Variants in CFTR observed in about 807,000 individuals in gnomAD.
The protein encoded by CFTR is cystic fibrosis transmembrane conductance regulator.
Under a neutral mutation model 171.6 loss-of-function variants are expected in CFTR, and 181 were observed. The ratio of observed to expected loss-of-function variants is 1.05; its 90% confidence interval spans 0.93 to 1.19. CFTR has a LOEUF of 1.19. Ranked by LOEUF, CFTR falls within the 50% of genes most tolerant of loss-of-function variation. The pLI, the probability that CFTR is intolerant of heterozygous loss-of-function variation, is 0.00. For synonymous variants in CFTR, 583 were observed against 608.0 expected (o/e 0.96, Z 0.60); for missense variants, 1,968 against 1,734.7 (o/e 1.13, Z -2.39).
At chr7:117,547,768 G>A (rs2027945) in intron 9 of CFTR, among the ~76,000 whole-genome samples, 38,948 of 152,052 alleles carry the variant, frequency 0.26, 5,314 homozygotes, top group East Asian at 0.42. Context: ...GCAACGTAGT[G>A]AGACTAGTAC....
At chr7:117,523,792 G>A (rs1300521954) in intron 3 of CFTR, among the ~76,000 whole-genome samples, 1 of 152,166 alleles carries the variant, frequency 6.6e-6, no homozygotes, top group Non-Finnish European at 1.5e-5. Context: ...TTGTGGTAGG[G>A]AAAAGTCTAT....
Position 117,592,662 on chromosome 7 carries a change from G to A in CFTR, c.2490+5G>A, listed in dbSNP as rs764466147. ...ATTAACGAAGAAGACTTAAAGGTAG[G>A]TATACATCGCTTGGGGGTATTTCAC... is the stretch of plus-strand genomic sequence containing the variant. On this transcript the variant is annotated splice_donor_5th_base_variant and intron_variant, in intron 14 of 26. Transcript: ENST00000003084. The A allele has an allele frequency of 6.6e-6, 10 of 1,526,290 alleles. No homozygotes were observed. In the South Asian group the frequency reaches 1.4e-4, roughly 21 times the overall value. The allele number at this position is 1,526,290 out of a possible 1,614,324, so 94.5% of individuals were successfully genotyped here.
chr7:117,483,927 G>A (rs1584766017), intron 1 of CFTR, among the ~76,000 whole-genome samples: 1 of 152,084 alleles, frequency 6.6e-6, no homozygotes, highest in East Asian at 1.9e-4. Flanking sequence ...AGCAATGGAA[G>A]TATAATTAAA....
intron 22 of CFTR, among the ~76,000 whole-genome samples, chr7:117,638,913 A>G (rs969123933): frequency 3.9e-5 from 6 of 152,142 alleles, no homozygotes; most frequent in Non-Finnish European, 8.8e-5. Context: ...TATGTGCTGA[A>G]TTAAGAAGTC....
At chr7:117,545,991 T>TTTTAC (rs1339835027) in intron 9 of CFTR, among the ~76,000 whole-genome samples, 16 of 151,058 alleles carry the variant, frequency 1.1e-4, no homozygotes, top group Non-Finnish European at 1.5e-4. Flanking sequence ...GCTAATTTTA[T>TTTTAC]TTTATTTTAT....
At chr7:117,581,887 G>T (rs190193520) in intron 11 of CFTR, among the ~76,000 whole-genome samples, 2 of 151,958 alleles carry the variant, frequency 1.3e-5, no homozygotes, top group Admixed American at 1.3e-4. Context: ...AGAGTAGCTA[G>T]GACTACTACA....
At position 117,535,296 on chromosome 7, in the gene CFTR, C is replaced by T. The variant is rs759719664; in HGVS notation, c.628C>T (p.Leu210Phe). 1 of 1,613,770 alleles carries T rather than the reference C, an allele frequency of 6.2e-7. No individual in the cohort carries two copies. The highest frequency in any genetic ancestry group is 8.5e-7 in the Non-Finnish European group (1 of 1,179,912). The change falls in exon 6 of 27, where the codon CTC becomes TTC. Residue 210 changes from leucine to phenylalanine, a missense_variant. Leu to Phe is a conservative substitution (Grantham distance 22). Transcript: ENST00000003084. ...FVWIAPLQVA[L>F]LMGLIWELLQ... ...GTGGATCGCTCCTTTGCAAGTGGCA[C>T]TCCTCATGGGGCTAATCTGGGAGTT...
intron 1 of CFTR, among the ~76,000 whole-genome samples, chr7:117,503,265 T>A (rs116796782): frequency 2.3e-4 from 35 of 152,344 alleles, no homozygotes; most frequent in African/African-American, 8.2e-4. Context: ...GACACAAATT[T>A]TAGAACTCTC....
At chr7:117,640,256 G>T (rs533299621) in intron 22 of CFTR, among the ~76,000 whole-genome samples, 4 of 152,242 alleles carry the variant, frequency 2.6e-5, no homozygotes, top group East Asian at 1.9e-4. Flanking sequence ...AGAAGACTTT[G>T]TTGGGTACAA....
intron 24 of CFTR, among the ~76,000 whole-genome samples, chr7:117,660,161 A>ATC (rs1442449824): frequency 7.9e-5 from 12 of 152,090 alleles, no homozygotes; most frequent in African/African-American, 2.9e-4. Flanking sequence ...AGTTCTTTAT[A>ATC]TCTACAAACT....
intron 21 of CFTR, among the ~76,000 whole-genome samples, chr7:117,626,601 T>G (rs1270334911): frequency 6.6e-6 from 1 of 152,056 alleles, no homozygotes; most frequent in Non-Finnish European, 1.5e-5. Flanking sequence ...AAATAGAAGT[T>G]GAGTGAATTC....
intron 22 of CFTR, among the ~76,000 whole-genome samples, chr7:117,635,461 G>T (rs1294913569): frequency 6.6e-6 from 1 of 151,856 alleles, no homozygotes; most frequent in East Asian, 1.9e-4. Context: ...GATATAGTTA[G>T]ATAAACATCT....
chr7:117,652,921 T>A lies in CFTR; in HGVS notation c.3953T>A (p.Val1318Asp). 1 of 1,598,876 alleles carries A rather than the reference T, an allele frequency of 6.3e-7. No homozygotes were observed. Among genetic ancestry groups the A allele is most frequent in the Non-Finnish European group, 8.6e-7 (1 of 1,167,292 alleles). The change falls in exon 24 of 27, where the codon GTT (valine) becomes GAT (aspartate). Residue 1318 changes from valine (V) to aspartate (D), a missense_variant. Transcript: ENST00000003084. ...EQWSDQEIWK[V>D]ADEVGLRSVI... ...TGGAGTGATCAAGAAATATGGAAAGTTGCAGATGAGGTAAGGCTGCTAACT... is the reference window on the plus strand; with the variant it reads ...TGGAGTGATCAAGAAATATGGAAAGATGCAGATGAGGTAAGGCTGCTAACT...
chr7:117,545,398 C>T (rs1394456575), intron 9 of CFTR, among the ~76,000 whole-genome samples: 1 of 152,222 alleles, frequency 6.6e-6, no homozygotes, highest in Non-Finnish European at 1.5e-5. Flanking sequence ...GGTGACCTCT[C>T]TCAGGCTCAA....
chr7:117,524,833 T>C (rs1042575983), intron 3 of CFTR, among the ~76,000 whole-genome samples: 1 of 152,224 alleles, frequency 6.6e-6, no homozygotes, highest in Non-Finnish European at 1.5e-5. Flanking sequence ...GAGTTGGTTA[T>C]ACAAGTATCA....
intron 21 of CFTR, among the ~76,000 whole-genome samples, chr7:117,618,372 T>G (rs1297199317): frequency 6.6e-6 from 1 of 151,942 alleles, no homozygotes; most frequent in Non-Finnish European, 1.5e-5. Context: ...ACCCAGCTAC[T>G]TGAGAGGCTG....
In CFTR at chr7:117,504,290, C is replaced by A. The variant is rs1800073; in HGVS notation, c.91C>A (p.Arg31Ser). 4 of 1,611,862 alleles carry A rather than the reference C, an allele frequency of 2.5e-6. No homozygotes were observed. Among genetic ancestry groups the A allele is most frequent in the Non-Finnish European group, 3.4e-6 (4 of 1,178,208 alleles). Residue 31 changes from arginine (R) to serine (S), a missense_variant, in exon 2 of 27, where the codon CGC becomes AGC. By Grantham distance (110) the Arg-to-Ser change is moderately radical. Transcript: ENST00000003084. ...AATTTTGAGGAAAGGATACAGACAG[C>A]GCCTGGAATTGTCAGACATATACCA... ...RPILRKGYRQRLELSDIYQIP... is the reference protein window; with the variant it reads ...RPILRKGYRQSLELSDIYQIP...
At chr7:117,656,730 A>G (rs1434657454) in intron 24 of CFTR, among the ~76,000 whole-genome samples, 3 of 152,208 alleles carry the variant, frequency 2.0e-5, no homozygotes, top group African/African-American at 4.8e-5. Context: ...TTGTGGCAGA[A>G]TAGGATCAGG....
At chr7:117,629,336 T>A (rs1792702550) in intron 22 of CFTR, among the ~76,000 whole-genome samples, 1 of 152,196 alleles carries the variant, frequency 6.6e-6, no homozygotes, top group African/African-American at 2.4e-5. Flanking sequence ...CAGTCAGCTT[T>A]ATTTTCTATT....
Sources: allele counts gnomAD v4.1 joint callset (sites outside exome capture counted in the v4.1 genomes callset), GRCh38; gene constraint gnomAD v4.1.1; transcripts MANE v1.5; gene names NCBI Gene and HGNC (gene_info 2026-07-23, HGNC 2026-07-21).